Variants in IQCH observed in about 807,000 individuals in gnomAD.
IQCH encodes IQ domain-containing protein H.
In IQCH, 98 loss-of-function variants were observed where a neutral mutation model predicts 117.0. That is an observed-to-expected ratio of 0.84 (90% CI 0.71 to 0.99). The LOEUF (loss-of-function observed/expected upper bound fraction) is 0.99. Ranked by LOEUF, IQCH falls within the 50% of genes least tolerant of loss-of-function variation. The pLI is 0.00. For missense variants in IQCH, 1,102 were observed against 1,243.8 expected (o/e 0.89, Z 1.72); for synonymous variants, 412 against 448.2 (o/e 0.92, Z 1.02).
chr15:67,387,851 T>G lies in IQCH; in HGVS notation c.1457-980T>G, dbSNP rs1297107805. ...CAGTCTATGCTCTGTATATATACTCTGCCAAACTGATCAGAGGAGTCTGAA... is the reference window on the plus strand; with the variant it reads ...CAGTCTATGCTCTGTATATATACTCGGCCAAACTGATCAGAGGAGTCTGAA... On this transcript the variant is annotated intron_variant, in intron 11 of 20. Coordinates refer to ENST00000335894, the MANE Select transcript of IQCH (RefSeq NM_001031715.3). The surrounding 1 kb of genome is among the most constrained non-coding windows in gnomAD (Gnocchi z 4.8). 6.6e-6 allele frequency among the ~76,000 whole-genome samples: 1 copy of G among 152,210 alleles called. No individual in the cohort carries two copies. Among genetic ancestry groups the G allele is most frequent in the Non-Finnish European group, 1.5e-5 (1 of 68,034 alleles).
At chr15:67,308,561 T>C (rs1420867640) in intron 4 of IQCH, among the ~76,000 whole-genome samples, 1 of 152,092 alleles carries the variant, frequency 6.6e-6, no homozygotes, top group African/African-American at 2.4e-5. Flanking sequence ...CCCACTCCTA[T>C]CATTTAAAGT....
intron 18 of IQCH, among the ~76,000 whole-genome samples, chr15:67,478,619 T>C (rs190700725): frequency 6.6e-6 from 1 of 151,810 alleles, no homozygotes; most frequent in East Asian, 2.0e-4. Context: ...GAGGAGGGGA[T>C]AATCAGAAAG....
intron 10 of IQCH, chr15:67,373,875 A>G (rs1378487065): frequency 4.7e-6 from 1 of 211,264 alleles, no homozygotes; most frequent in African/African-American, 2.4e-5. Flanking sequence ...CTCTGAAATT[A>G]TTTAGTTCTA....
chr15:67,411,969 C>A lies in IQCH; in HGVS notation c.2098-4962C>A, dbSNP rs1172283793. Among the ~76,000 whole-genome samples, 1 of 152,208 alleles carries A rather than the reference C, an allele frequency of 6.6e-6. No individual in the cohort carries two copies. Among genetic ancestry groups the A allele is most frequent in the Non-Finnish European group, 1.5e-5 (1 of 68,034 alleles). ...CATGCTTTCTGCAGATGTCTTGGAACCTTCCAACGTCCTGACGATTGTTGA... is the reference window on the plus strand; with the variant it reads ...CATGCTTTCTGCAGATGTCTTGGAAACTTCCAACGTCCTGACGATTGTTGA... On this transcript the variant is annotated intron_variant, in intron 14 of 20. Coordinates refer to ENST00000335894, the MANE Select transcript of IQCH (RefSeq NM_001031715.3). This position sits in a 1 kb window ranked among gnomAD's most constrained non-coding sequence, Gnocchi z 4.4.
chr15:67,296,577 A>G (rs968718275), intron 4 of IQCH, among the ~76,000 whole-genome samples: 2 of 152,156 alleles, frequency 1.3e-5, no homozygotes, highest in African/African-American at 4.8e-5. Flanking sequence ...CTGAGGGACC[A>G]TTAAGGAGGT....
intron 3 of IQCH, among the ~76,000 whole-genome samples, chr15:67,273,732 GTTGT>G (rs1966003500): frequency 6.6e-6 from 1 of 152,164 alleles, no homozygotes; most frequent in Non-Finnish European, 1.5e-5. Flanking sequence ...GTATTCTGAG[GTTGT>G]TTATGTACTT....
At chr15:67,402,253 A>G (rs1019668921) in intron 14 of IQCH, among the ~76,000 whole-genome samples, 1 of 152,244 alleles carries the variant, frequency 6.6e-6, no homozygotes, top group Admixed American at 6.5e-5. Context: ...AACAAGGAAA[A>G]TATAATTATT....
Position 67,500,356 on chromosome 15 carries a change from G to A in IQCH, c.2971-277G>A, listed in dbSNP as rs184072578. On this transcript the variant is annotated intron_variant, in intron 20 of 20. Coordinates refer to ENST00000335894, the MANE Select transcript of IQCH (RefSeq NM_001031715.3). The surrounding 1 kb of genome is among the most constrained non-coding windows in gnomAD (Gnocchi z 4.4). ...GAAAATTTAATTACTAGAAAAATACGATTAAAAAAATTAAAGATGTACAAT... is the reference window on the plus strand; with the variant it reads ...GAAAATTTAATTACTAGAAAAATACAATTAAAAAAATTAAAGATGTACAAT... Among the ~76,000 whole-genome samples the A allele has an allele frequency of 2.0e-5, 3 of 151,972 alleles. No individual in the cohort carries two copies. Among genetic ancestry groups the A allele is most frequent in the East Asian group, 3.9e-4 (2 of 5,180 alleles).
rs1227952925 is a variant in IQCH, at chr15:67,422,872, T to C, written c.2505+1295T>C. The stretch of plus-strand genomic sequence containing the variant: ...TTAGTGCTGCATGTCCAGACCTCTG[T>C]CTAAAGGGCGAAATGACCTCCTGGC... On this transcript the variant is annotated intron_variant, in intron 16 of 20. Transcript: ENST00000335894. This position sits in a 1 kb window ranked among gnomAD's most constrained non-coding sequence, Gnocchi z 4.7. Among the ~76,000 whole-genome samples, 1 of 152,236 alleles carries C rather than the reference T, an allele frequency of 6.6e-6. No homozygotes were observed. The highest frequency in any genetic ancestry group is 6.5e-5 in the Admixed American group (1 of 15,284).
At chr15:67,460,025 C>T (rs1347852738) in intron 16 of IQCH, 2 of 152,158 alleles carry the variant, frequency 1.3e-5, no homozygotes, top group Non-Finnish European at 1.5e-5. Flanking sequence ...TGGTGCAAAC[C>T]TATTAGTCCT....
rs1970339921 is a variant in IQCH at position 67,366,561 on chromosome 15, T to C, written c.754-5550T>C. Reference sequence around the variant, plus strand: ...TACCTTTCAAAGCAATTGCAGAAATTATTCCTAGAAAATTGCTGCTGATCT... The same window carrying C: ...TACCTTTCAAAGCAATTGCAGAAATCATTCCTAGAAAATTGCTGCTGATCT... On this transcript the variant is annotated intron_variant, in intron 8 of 20. Transcript: ENST00000335894. This position sits in a 1 kb window ranked among gnomAD's most constrained non-coding sequence, Gnocchi z 4.4. Among the ~76,000 whole-genome samples the C allele has an allele frequency of 6.6e-6, 1 of 152,200 alleles. No homozygotes were observed. The highest frequency in any genetic ancestry group is 6.5e-5 in the Admixed American group (1 of 15,290).
At chr15:67,312,392 C>T (rs1349066907) in intron 4 of IQCH, among the ~76,000 whole-genome samples, 2 of 152,116 alleles carry the variant, frequency 1.3e-5, no homozygotes, top group Admixed American at 6.6e-5. Flanking sequence ...GGGTTCACGA[C>T]GTCCCAAAAG....
intron 16 of IQCH, among the ~76,000 whole-genome samples, chr15:67,444,149 G>C (rs911080433): frequency 3.3e-5 from 5 of 152,186 alleles, no homozygotes; most frequent in African/African-American, 1.2e-4. Context: ...TATGCTTGTT[G>C]AATTGAGTTG....
In IQCH at chr15:67,404,403, T is replaced by C. The variant is rs922318490; in HGVS notation, c.2097+4098T>C. 3 of 152,222 alleles carry C rather than the reference T, an allele frequency of 2.0e-5. No homozygotes were observed. The highest frequency in any genetic ancestry group is 2.1e-4 in the South Asian group (1 of 4,832). 9.4% of individuals were successfully genotyped at this position (152,222 alleles called of 1,614,324 possible). ...CCCTGGAACTAGGTCACAGGAGCCA[T>C]TGCAGGATGGCAGAGCTCGTTGTCC... On this transcript the variant is annotated intron_variant, in intron 14 of 20. Coordinates refer to ENST00000335894, the MANE Select transcript of IQCH (RefSeq NM_001031715.3). The surrounding 1 kb of genome is among the most constrained non-coding windows in gnomAD (Gnocchi z 4.6).
intron 4 of IQCH, among the ~76,000 whole-genome samples, chr15:67,315,044 T>C (rs1274632130): frequency 3.9e-5 from 6 of 152,202 alleles, no homozygotes; most frequent in African/African-American, 1.4e-4. Flanking sequence ...CCCTTGACTT[T>C]ATAGGATTAG....
chr15:67,348,971 A>T (rs1304066808), intron 6 of IQCH, among the ~76,000 whole-genome samples: 2 of 152,278 alleles, frequency 1.3e-5, no homozygotes, highest in African/African-American at 4.8e-5. Context: ...TGGTCAATTC[A>T]TTTTTGACAA....
At chr15:67,418,134 G>A (rs893642899) in intron 15 of IQCH, among the ~76,000 whole-genome samples, 3 of 152,236 alleles carry the variant, frequency 2.0e-5, no homozygotes, top group East Asian at 3.9e-4. Context: ...CTGCTAACAC[G>A]TAGAAGAGCC....
chr15:67,366,627 T>C lies in IQCH; in HGVS notation c.754-5484T>C, dbSNP rs1229808520. ...TCAAGTCTCTTCTTTTATATATCTC[T>C]GCTCGATGAGTTCTGTTTTTGCCTT... On this transcript the variant is annotated intron_variant, in intron 8 of 20. Coordinates refer to ENST00000335894, the MANE Select transcript of IQCH (RefSeq NM_001031715.3). The surrounding 1 kb of genome is among the most constrained non-coding windows in gnomAD (Gnocchi z 4.4). Among the ~76,000 whole-genome samples, 1 of 152,232 alleles carries C rather than the reference T, an allele frequency of 6.6e-6. No individual in the cohort carries two copies. Among genetic ancestry groups the C allele is most frequent in the East Asian group, 1.9e-4 (1 of 5,194 alleles).
chr15:67,403,765 C>T lies in IQCH; in HGVS notation c.2097+3460C>T, dbSNP rs1971767396. 6.6e-6 allele frequency: 1 copy of T among 152,366 alleles called. No homozygotes were observed. The highest frequency in any genetic ancestry group is 1.9e-4 in the East Asian group (1 of 5,186). The allele number at this position is 152,366 out of a possible 1,614,324, so 9.4% of individuals were successfully genotyped here. ...ACCCAGGCAGACATTTACTGTGGTA[C>T]CAGTCCTTGTGGCTTTTTTCCATTT... On this transcript the variant is annotated intron_variant, in intron 14 of 20. Transcript: ENST00000335894. The surrounding 1 kb of genome is among the most constrained non-coding windows in gnomAD (Gnocchi z 4.8).
Sources: gnomAD v4.1 joint callset for allele counts (sites outside exome capture counted in the v4.1 genomes callset) on GRCh38, gnomAD v4.1.1 for gene constraint, Gnocchi (gnomAD v3.1) non-coding constraint, MANE v1.5 for transcripts, NCBI Gene and HGNC (gene_info 2026-07-23, HGNC 2026-07-21) for gene names.